ERCC6L2: variants seen among roughly 807,000 people sequenced by gnomAD.
ERCC6L2 encodes the protein DNA excision repair protein ERCC-6-like 2.
A neutral mutation model predicts 132.0 loss-of-function variants in ERCC6L2; 77 were observed. That is an observed-to-expected ratio of 0.58 (90% CI 0.49 to 0.71). The LOEUF (loss-of-function observed/expected upper bound fraction) is 0.71. Among genes scored for constraint, ERCC6L2 ranks in the 30% least tolerant of loss-of-function variants. The pLI, the probability that ERCC6L2 is intolerant of heterozygous loss-of-function variation, is 0.00. For missense variants in ERCC6L2, 1,542 were observed against 1,837.6 expected (o/e 0.84, Z 2.94); for synonymous variants, 583 against 632.4 (o/e 0.92, Z 1.17).
intron 19 of ERCC6L2, among the ~76,000 whole-genome samples, chr9:96,030,420 G>A (rs1834441413): frequency 6.6e-6 from 1 of 152,102 alleles, no homozygotes; most frequent in Non-Finnish European, 1.5e-5. Flanking sequence ...ATCTTTAAGA[G>A]CTGTAGTACT....
chr9:96,007,356 T>C (rs537049860), intron 18 of ERCC6L2, among the ~76,000 whole-genome samples: 40 of 152,178 alleles, frequency 2.6e-4, no homozygotes, highest in Non-Finnish European at 4.4e-4. Flanking sequence ...GGGCCAGATA[T>C]GGGTGGGACA....
At chr9:96,026,904 ACAC>A (rs1242121198) in intron 19 of ERCC6L2, among the ~76,000 whole-genome samples, 2 of 110,878 alleles carry the variant, frequency 1.8e-5, no homozygotes, top group Non-Finnish European at 3.8e-5. Flanking sequence ...AACACACACT[ACAC>A]CAAACACACC....
chr9:95,936,914 G>A (rs62562979), intron 11 of ERCC6L2, among the ~76,000 whole-genome samples: 14,591 of 152,140 alleles, frequency 0.096, 803 homozygotes, highest in Admixed American at 0.14. Context: ...TTCACTCAGC[G>A]TAATTCCCTG....
intron 19 of ERCC6L2, among the ~76,000 whole-genome samples, chr9:96,029,173 A>G (rs1215811628): frequency 9.9e-5 from 15 of 152,018 alleles, no homozygotes; most frequent in South Asian, 6.2e-4. Flanking sequence ...GCGTGGTGGC[A>G]CGTGACTGTA....
chr9:96,015,455 T>C lies in ERCC6L2; in HGVS notation c.*2252T>C, dbSNP rs1834165798. On this transcript the variant is annotated 3_prime_UTR_variant, in exon 19 of 19. Coordinates refer to ENST00000653738, the MANE Select transcript of ERCC6L2 (RefSeq NM_020207.7). ...CACCTGCCTTGTCCTCCCAAAGTGC[T>C]GGGATTACAGGTGTGAGCCACCATG... Among the ~76,000 whole-genome samples, 1 of 151,544 alleles carries C rather than the reference T, an allele frequency of 6.6e-6. No homozygotes were observed. The highest frequency in any genetic ancestry group is 2.4e-5 in the African/African-American group (1 of 41,340).
At chr9:95,891,901 T>A (rs932775661) in intron 2 of ERCC6L2, among the ~76,000 whole-genome samples, 2 of 152,154 alleles carry the variant, frequency 1.3e-5, no homozygotes, top group African/African-American at 4.8e-5. Context: ...TCATTGTCTT[T>A]ATTGTTGAGT....
At chr9:95,958,663 A>G (rs1831739081) in intron 13 of ERCC6L2, among the ~76,000 whole-genome samples, 2 of 152,100 alleles carry the variant, frequency 1.3e-5, no homozygotes, top group Non-Finnish European at 2.9e-5. Flanking sequence ...TAAGCTGATA[A>G]GCAACTTCAG....
chr9:95,981,102 A>G (rs1463011127), intron 17 of ERCC6L2, among the ~76,000 whole-genome samples: 2 of 152,240 alleles, frequency 1.3e-5, no homozygotes, highest in African/African-American at 2.4e-5. Context: ...CAGTTGCCAC[A>G]GTGTACCAGT....
In ERCC6L2 at chr9:96,004,507, T is replaced by C. The variant is rs1389946633; in HGVS notation, c.3493-13T>C. The C allele has an allele frequency of 2.3e-6, 3 of 1,289,566 alleles. No individual in the cohort carries two copies. The highest frequency in any genetic ancestry group is 3.1e-6 in the Non-Finnish European group (3 of 981,672). The allele number at this position is 1,289,566 out of a possible 1,614,324, so 79.9% of individuals were successfully genotyped here. ...TTTTCAGACATAGCTTTTGTTTCCT[T>C]TCTTTTTTTCAGACATATAAAGAAA... On this transcript the variant is annotated splice_polypyrimidine_tract_variant and intron_variant, in intron 17 of 18. Coordinates refer to ENST00000653738, the MANE Select transcript of ERCC6L2 (RefSeq NM_020207.7).
chr9:96,026,765 CACACCACACACAA>C (rs995285084), intron 19 of ERCC6L2, among the ~76,000 whole-genome samples: 1 of 133,070 alleles, frequency 7.5e-6, no homozygotes, highest in African/African-American at 3.1e-5. Context: ...ACACTACAAA[CACACCACACACAA>C]ACACCACACA....
At chr9:95,901,388 A>G (rs574941133) in intron 3 of ERCC6L2, among the ~76,000 whole-genome samples, 1 of 152,314 alleles carries the variant, frequency 6.6e-6, no homozygotes, top group Admixed American at 6.5e-5. Context: ...GAAAATATAT[A>G]TACAGTGCTT....
At chr9:96,008,934 C>T (rs1833943760) in intron 18 of ERCC6L2, among the ~76,000 whole-genome samples, 1 of 152,178 alleles carries the variant, frequency 6.6e-6, no homozygotes, top group African/African-American at 2.4e-5. Context: ...TATAGATAAG[C>T]GAGAAAGCAG....
At chr9:95,997,732 A>G (rs1004964270) in intron 17 of ERCC6L2, among the ~76,000 whole-genome samples, 2 of 152,222 alleles carry the variant, frequency 1.3e-5, no homozygotes, top group Non-Finnish European at 2.9e-5. Flanking sequence ...TATTACTTGA[A>G]TCTTCATTAC....
At chr9:95,968,152 CAAAA>C (rs1166818425) in intron 14 of ERCC6L2, 1 of 151,660 alleles carries the variant, frequency 6.6e-6, no homozygotes, top group African/African-American at 2.4e-5. Context: ...AAAACAAAAA[CAAAA>C]AAAAGTTCTC....
Position 96,028,902 on chromosome 9 carries a change from A to G in ERCC6L2, c.*1504-9974A>G, listed in dbSNP as rs116417107. On this transcript the variant is annotated intron_variant and NMD_transcript_variant, in intron 19 of 20. Transcript: ENST00000670016. ...AAATAAACTATCTTCAACCTTAGGC[A>G]ATAATGTGGGTGAATTTCCAAATAC... is the stretch of plus-strand genomic sequence containing the variant. Among the ~76,000 whole-genome samples, 429 of 152,338 alleles carry G rather than the reference A, an allele frequency of 2.8e-3. 5 individuals are homozygous for G. Among genetic ancestry groups the G allele is most frequent in the African/African-American group, 9.6e-3 (401 of 41,570 alleles).
intron 12 of ERCC6L2, among the ~76,000 whole-genome samples, chr9:95,951,065 T>A (rs1406937677): frequency 1.3e-5 from 2 of 152,216 alleles, no homozygotes; most frequent in Non-Finnish European, 2.9e-5. Flanking sequence ...GGATAAATCA[T>A]GTGTTAGGCC....
chr9:95,907,856 C>CACACACACAAACACA (rs869053572), intron 4 of ERCC6L2, among the ~76,000 whole-genome samples: 1 of 145,830 alleles, frequency 6.9e-6, no homozygotes, highest in African/African-American at 2.6e-5. Flanking sequence ...CACACACACA[C>CACACACACAAACACA]CCCCACACCC....
At chr9:95,918,200 C>T (rs1380202115) in intron 6 of ERCC6L2, 3 of 481,118 alleles carry the variant, frequency 6.2e-6, no homozygotes, top group Non-Finnish European at 1.2e-5. Context: ...GCAGTCAGCC[C>T]TGTAGACATG....
chr9:96,002,219 C>T (rs1833710031), intron 17 of ERCC6L2, among the ~76,000 whole-genome samples: 1 of 152,234 alleles, frequency 6.6e-6, no homozygotes. Flanking sequence ...AGTGGGAGCC[C>T]AGGCAGGGGA....
Sources: gnomAD v4.1 joint callset for allele counts (sites outside exome capture counted in the v4.1 genomes callset) on GRCh38, gnomAD v4.1.1 for gene constraint, MANE v1.5 for transcripts, NCBI Gene and HGNC (gene_info 2026-07-23, HGNC 2026-07-21) for gene names.